Variants in LIMCH1 observed in about 807,000 individuals in gnomAD.
The protein encoded by LIMCH1 is LIM and calponin homology domains 1.
Under a neutral mutation model 176.5 loss-of-function variants are expected in LIMCH1, and 113 were observed. The observed-to-expected ratio is 0.64, with a 90% confidence interval of 0.55 to 0.75. LIMCH1 has a LOEUF of 0.75. Among genes scored for constraint, LIMCH1 ranks in the 30% least tolerant of loss-of-function variants. The pLI, the probability that LIMCH1 is intolerant of heterozygous loss-of-function variation, is 0.00. For missense variants in LIMCH1, 1,674 were observed against 1,814.9 expected (o/e 0.92, Z 1.41); for synonymous variants, 619 against 645.9 (o/e 0.96, Z 0.63).
At chr4:41,541,754 A>G (rs1306603262) in intron 1 of LIMCH1, among the ~76,000 whole-genome samples, 1 of 152,220 alleles carries the variant, frequency 6.6e-6, no homozygotes, top group Non-Finnish European at 1.5e-5. Context: ...TTACGAAATG[A>G]CTGGGGCATG....
chr4:41,664,484 T>C (rs1319474979), intron 20 of LIMCH1, among the ~76,000 whole-genome samples: 1 of 152,184 alleles, frequency 6.6e-6, no homozygotes, highest in Non-Finnish European at 1.5e-5. Flanking sequence ...TTATAGATAA[T>C]TAATGGTCTG....
chr4:41,685,924 G>A lies in LIMCH1; in HGVS notation c.4088+94G>A, dbSNP rs377237941. The A allele has an allele frequency of 7.1e-5, 95 of 1,337,528 alleles. 1 individual carries two copies. In the East Asian group the frequency reaches 8.0e-4, roughly 11 times the overall value. 82.9% of individuals were successfully genotyped at this position (1,337,528 alleles called of 1,614,324 possible). On this transcript the variant is annotated intron_variant, in intron 28 of 31. Coordinates refer to ENST00000503057, the MANE Select transcript of LIMCH1 (RefSeq NM_001330672.2). ...AATGAAAAATGTGAGATGGCAAGAG[G>A]ACAGCAGCATTTTTGTGCTTTCTCT... is the stretch of plus-strand genomic sequence containing the variant.
intron 1 of LIMCH1, among the ~76,000 whole-genome samples, chr4:41,441,035 G>A (rs1251939785): frequency 5.3e-5 from 8 of 152,054 alleles, no homozygotes; most frequent in Non-Finnish European, 1.2e-4. Context: ...TTCATGGTAT[G>A]GAGATCTCTT....
intron 13 of LIMCH1, among the ~76,000 whole-genome samples, chr4:41,637,597 T>C (rs1390120165): frequency 6.6e-6 from 1 of 152,242 alleles, no homozygotes; most frequent in Non-Finnish European, 1.5e-5. Context: ...AACGATACTC[T>C]GGAGAAGGAG....
chr4:41,505,985 G>A (rs1384519539), intron 2 of LIMCH1, among the ~76,000 whole-genome samples: 1 of 136,906 alleles, frequency 7.3e-6, no homozygotes, highest in Non-Finnish European at 1.5e-5. Context: ...ATAAACAACA[G>A]ACCCATCCCT....
intron 1 of LIMCH1, among the ~76,000 whole-genome samples, chr4:41,585,696 CTTG>C (rs771853151): frequency 7.2e-5 from 11 of 152,038 alleles, no homozygotes; most frequent in Admixed American, 1.3e-4. Context: ...CTCATCAACA[CTTG>C]TTATTTTCTG....
In LIMCH1 at chr4:41,682,691, T is replaced by C. The variant is rs557071796; in HGVS notation, c.3845+231T>C. Among the ~76,000 whole-genome samples, 445 of 151,326 alleles carry C rather than the reference T, an allele frequency of 2.9e-3. 4 individuals are homozygous for C. The highest frequency in any genetic ancestry group is 0.01 in the African/African-American group (418 of 41,218). On this transcript the variant is annotated intron_variant, in intron 26 of 31. Coordinates refer to ENST00000503057, the MANE Select transcript of LIMCH1 (RefSeq NM_001330672.2). ...TTTCTTCTTCTTCTTTTTTTTTTTT[T>C]TGCTTGAGACGGAGTCTCACTCTAT...
intron 1 of LIMCH1, among the ~76,000 whole-genome samples, chr4:41,585,347 C>G (rs2086253196): frequency 6.6e-6 from 1 of 152,172 alleles, no homozygotes; most frequent in Non-Finnish European, 1.5e-5. Flanking sequence ...ATACTATCTT[C>G]CGGATTTATT....
intron 1 of LIMCH1, among the ~76,000 whole-genome samples, chr4:41,540,747 C>T (rs1199131958): frequency 2.0e-5 from 3 of 152,070 alleles, no homozygotes; most frequent in African/African-American, 7.2e-5. Flanking sequence ...AAATGGATTT[C>T]AGGGGGAAAA....
chr4:41,581,131 TATCTATCTATCTATC>T (rs1444885986), intron 1 of LIMCH1, among the ~76,000 whole-genome samples: 1 of 132,006 alleles, frequency 7.6e-6, no homozygotes, highest in South Asian at 2.5e-4. Context: ...TCTATCTATC[TATCTATCTATCTATC>T]ATCTAATCAA....
At chr4:41,412,453 A>G (rs540667971) in intron 1 of LIMCH1, among the ~76,000 whole-genome samples, 1 of 152,352 alleles carries the variant, frequency 6.6e-6, no homozygotes, top group South Asian at 2.1e-4. Flanking sequence ...ACTTAAGGAT[A>G]CTAAGTGACA....
chr4:41,644,508 G>T lies in LIMCH1; in HGVS notation c.2135G>T (p.Ser712Ile). The T allele has an allele frequency of 1.3e-6, 2 of 1,569,554 alleles. No individual in the cohort carries two copies. The highest frequency in any genetic ancestry group is 1.7e-6 in the Non-Finnish European group (2 of 1,158,176). Residue 712 changes from serine (S) to isoleucine (I), a missense_variant, in exon 15 of 32, where the codon AGC becomes ATC. Transcript: ENST00000503057. ...GCTCTCTCCACACTCAGGAGCACCA[G>T]CATGTTTGACATGCGGTGTGAGGAG... is the stretch of plus-strand genomic sequence containing the variant. ...TPVSDDAEST[S>I]MFDMRCEEEA...
chr4:41,449,091 A>G (rs2063574569), intron 1 of LIMCH1, among the ~76,000 whole-genome samples: 1 of 151,226 alleles, frequency 6.6e-6, no homozygotes, highest in Non-Finnish European at 1.5e-5. Context: ...TCCCGTTTTG[A>G]TGGCCTTCAG....
chr4:41,524,467 A>G (rs1354715057), exon 3 of LIMCH1: 3 of 1,612,520 alleles, frequency 1.9e-6, no homozygotes, highest in Non-Finnish European at 2.5e-6. Flanking sequence ...GCCTACCCCC[A>G]TTGCAGGACT....
At chr4:41,479,808 A>G (rs1001492438) in intron 1 of LIMCH1, among the ~76,000 whole-genome samples, 1 of 152,168 alleles carries the variant, frequency 6.6e-6, no homozygotes, top group Non-Finnish European at 1.5e-5. Context: ...TTGGATTTGC[A>G]TAACTGTTTC....
At chr4:41,365,083 G>A (rs975626498) in intron 1 of LIMCH1, among the ~76,000 whole-genome samples, 11 of 152,114 alleles carry the variant, frequency 7.2e-5, no homozygotes, top group Non-Finnish European at 1.5e-4. Flanking sequence ...ACTTGGTTTC[G>A]GTTATGATTT....
chr4:41,473,648 A>G (rs1189127595), intron 1 of LIMCH1, among the ~76,000 whole-genome samples: 1 of 152,252 alleles, frequency 6.6e-6, no homozygotes, highest in African/African-American at 2.4e-5. Flanking sequence ...TGGTCTGGGC[A>G]GTGATTTCTT....
rs193005194 is a variant in LIMCH1 at position 41,382,605 on chromosome 4, C to T, written c.96+21669C>T. On this transcript the variant is annotated intron_variant, in intron 1 of 26. Transcript: ENST00000313860. ...GAAAGGAGGGGAGGGCTTCCAGGCA[C>T]ATTTGGTGTAAAATGGATACAACTT... Among the ~76,000 whole-genome samples the T allele has an allele frequency of 2.6e-5, 4 of 152,184 alleles. No homozygotes were observed. In the East Asian group the frequency reaches 7.7e-4, roughly 29 times the overall value.
At chr4:41,600,216 T>TA (rs1477582303) in intron 2 of LIMCH1, among the ~76,000 whole-genome samples, 1 of 152,180 alleles carries the variant, frequency 6.6e-6, no homozygotes, top group Non-Finnish European at 1.5e-5. Context: ...AATAACAGAA[T>TA]AAAAATCAGG....
Sources: gnomAD v4.1 joint callset for allele counts (sites outside exome capture counted in the v4.1 genomes callset) on GRCh38, gnomAD v4.1.1 for gene constraint, MANE v1.5 for transcripts, NCBI Gene and HGNC (gene_info 2026-07-23, HGNC 2026-07-21) for gene names.